DTNB: variants seen among roughly 807,000 people sequenced by gnomAD.
The protein encoded by DTNB is dystrobrevin beta, also known as DTN-B.
DTNB carries 63 observed loss-of-function variants against 90.7 expected under a neutral mutation model. That is an observed-to-expected ratio of 0.69 (90% CI 0.57 to 0.86). The LOEUF (loss-of-function observed/expected upper bound fraction) is 0.86, where lower values mean the gene tolerates loss of function less well. Among genes scored for constraint, DTNB ranks in the 40% least tolerant of loss-of-function variants. The pLI is 0.00. For missense variants in DTNB, 744 were observed against 807.1 expected, an observed-to-expected ratio of 0.92 and a Z score of 0.95; for synonymous variants, 277 against 286.7, an observed-to-expected ratio of 0.97 and a Z score of 0.34.
chr2:25,397,469 C>T (rs2042684108), intron 16 of DTNB, among the ~76,000 whole-genome samples: 1 of 152,102 alleles, frequency 6.6e-6, no homozygotes, highest in South Asian at 2.1e-4. Context: ...AATCTCAGGG[C>T]ACAGGAAGCA....
At chr2:25,483,283 G>A (rs775740633) in intron 9 of DTNB, among the ~76,000 whole-genome samples, 2 of 152,152 alleles carry the variant, frequency 1.3e-5, no homozygotes, top group Non-Finnish European at 2.9e-5. Context: ...TACATTTTAC[G>A]TACAAGATTA....
At chr2:25,522,000 T>G (rs1007296991) in intron 9 of DTNB, among the ~76,000 whole-genome samples, 22 of 152,318 alleles carry the variant, frequency 1.4e-4, no homozygotes, top group African/African-American at 5.0e-4. Context: ...AACCACTAAT[T>G]AAAGAGATTA....
At chr2:25,458,135 T>C (rs1018330133) in intron 10 of DTNB, among the ~76,000 whole-genome samples, 5 of 152,156 alleles carry the variant, frequency 3.3e-5, no homozygotes, top group Non-Finnish European at 5.9e-5. Context: ...GCCTGGCTGA[T>C]GTTAATTATT....
At chr2:25,653,432 T>TAAA (rs530329843) in intron 1 of DTNB, among the ~76,000 whole-genome samples, 2 of 138,554 alleles carry the variant, frequency 1.4e-5, no homozygotes, top group South Asian at 2.3e-4. Flanking sequence ...GTTTTTTTTT[T>TAAA]AAAAAAAAAA....
chr2:25,526,395 A>ATATATTT, intron 9 of DTNB, among the ~76,000 whole-genome samples: 15 of 49,828 alleles, frequency 3.0e-4, no homozygotes, highest in East Asian at 7.6e-4. Context: ...ATATATATAT[A>ATATATTT]TTTTTTTTTT....
chr2:25,525,165 TAC>T (rs1339211911), intron 9 of DTNB, among the ~76,000 whole-genome samples: 1 of 152,220 alleles, frequency 6.6e-6, no homozygotes, highest in African/African-American at 2.4e-5. Flanking sequence ...ACCATTTATA[TAC>T]AGTTTTAACA....
At chr2:25,617,547 A>G (rs754473146) in intron 4 of DTNB, among the ~76,000 whole-genome samples, 7 of 152,194 alleles carry the variant, frequency 4.6e-5, no homozygotes, top group Non-Finnish European at 1.5e-5. Context: ...TATTAATATA[A>G]ACAAAAATAT....
chr2:25,638,677 A>C (rs2077589121), intron 3 of DTNB, among the ~76,000 whole-genome samples: 1 of 152,224 alleles, frequency 6.6e-6, no homozygotes, highest in South Asian at 2.1e-4. Flanking sequence ...ACCTTTATCA[A>C]AAACATTGTT....
In DTNB at chr2:25,566,190, G is replaced by C. The variant is rs185270370; in HGVS notation, c.876+10648C>G. 6.8e-4 allele frequency among the ~76,000 whole-genome samples: 104 copies of C among 152,290 alleles called. 1 individual carries two copies. In the East Asian group the frequency reaches 0.019, roughly 29 times the overall value. Reference sequence around the variant, plus strand: ...TGTTCGTGTTGCAAACTGCCTATGGGGGGCCACATGAAAAGAAACTGTAGG... The same window carrying C: ...TGTTCGTGTTGCAAACTGCCTATGGCGGGCCACATGAAAAGAAACTGTAGG... On this transcript the variant is annotated intron_variant, in intron 8 of 20. Transcript: ENST00000406818.
chr2:25,539,104 T>C (rs1350299394), intron 8 of DTNB, among the ~76,000 whole-genome samples: 7 of 152,162 alleles, frequency 4.6e-5, no homozygotes, highest in Admixed American at 4.6e-4. Context: ...CACTGCTTGA[T>C]GGTATTTCAT....
At chr2:25,407,120 T>C (rs1457858324) in intron 16 of DTNB, among the ~76,000 whole-genome samples, 1 of 152,112 alleles carries the variant, frequency 6.6e-6, no homozygotes, top group African/African-American at 2.4e-5. Flanking sequence ...GCAAATGACA[T>C]GACATTTCTC....
chr2:25,658,190 G>C (rs1373912907), intron 1 of DTNB, among the ~76,000 whole-genome samples: 1 of 151,476 alleles, frequency 6.6e-6, no homozygotes, highest in Non-Finnish European at 1.5e-5. Flanking sequence ...CTGGGAGGCG[G>C]AGGTTGCAGT....
chr2:25,439,410 G>A (rs1045371832), intron 12 of DTNB, among the ~76,000 whole-genome samples: 1 of 152,172 alleles, frequency 6.6e-6, no homozygotes, highest in African/African-American at 2.4e-5. Context: ...GCTGAGGTGG[G>A]AGGATTGCTT....
chr2:25,401,826 T>C (rs1227381965), intron 16 of DTNB, among the ~76,000 whole-genome samples: 1 of 152,218 alleles, frequency 6.6e-6, no homozygotes, highest in African/African-American at 2.4e-5. Flanking sequence ...GAAGACACTT[T>C]AGTCTCCATT....
chr2:25,541,588 A>G (rs1457781945), intron 8 of DTNB, among the ~76,000 whole-genome samples: 3 of 152,124 alleles, frequency 2.0e-5, no homozygotes, highest in Admixed American at 2.0e-4. Flanking sequence ...AATCTCAGGA[A>G]CGCTTCATCT....
chr2:25,403,464 A>C (rs1419769984), intron 16 of DTNB, among the ~76,000 whole-genome samples: 2 of 152,174 alleles, frequency 1.3e-5, no homozygotes, highest in Non-Finnish European at 1.5e-5. Context: ...GTTCTCTGCA[A>C]AATGATGAGA....
At chr2:25,619,901 G>A (rs536364182) in intron 4 of DTNB, among the ~76,000 whole-genome samples, 14 of 152,118 alleles carry the variant, frequency 9.2e-5, no homozygotes, top group Non-Finnish European at 2.1e-4. Flanking sequence ...TTAGCCAGGC[G>A]TGGTGGTACA....
At chr2:25,639,485 C>A (rs2077765963) in intron 2 of DTNB, among the ~76,000 whole-genome samples, 1 of 107,956 alleles carries the variant, frequency 9.3e-6, no homozygotes, top group African/African-American at 3.1e-5. Flanking sequence ...TGTGGCCATG[C>A]CCCGTGGCTG....
intron 6 of DTNB, among the ~76,000 whole-genome samples, chr2:25,592,060 CAAAAAA>C (rs1162292627): frequency 1.0e-4 from 5 of 48,998 alleles, no homozygotes; most frequent in Non-Finnish European, 1.5e-4. Context: ...GACTCCATCT[CAAAAAA>C]AAAAAAAAAA....
Sources: allele counts gnomAD v4.1 joint callset (sites outside exome capture counted in the v4.1 genomes callset), GRCh38; gene constraint gnomAD v4.1.1; transcripts MANE v1.5; gene names NCBI Gene and HGNC (gene_info 2026-07-23, HGNC 2026-07-21).